The following ITGAV variants were observed in gnomAD, a reference collection of about 807,000 sequenced individuals.
ITGAV encodes the protein integrin alpha-V.
In ITGAV, 76 loss-of-function variants were observed where a neutral mutation model predicts 143.8. The ratio of observed to expected loss-of-function variants is 0.53; its 90% confidence interval spans 0.44 to 0.64. The LOEUF is 0.64. ITGAV is among the 30% of genes least tolerant of loss of function. The probability of loss-of-function intolerance (pLI) is 0.00; values close to 1 mark genes in which losing one functional copy is unlikely to be tolerated. For missense variants in ITGAV, 1,193 were observed against 1,274.7 expected (o/e 0.94, Z 0.98); for synonymous variants, 453 against 446.7 (o/e 1.01, Z -0.18).
chr2:186,627,792 A>G (rs1687713554), intron 4 of ITGAV, among the ~76,000 whole-genome samples: 1 of 152,042 alleles, frequency 6.6e-6, no homozygotes, highest in Non-Finnish European at 1.5e-5. Context: ...AGTTTGCTGA[A>G]CCCTAATCTA....
intron 2 of ITGAV, 53 bp downstream of exon 2, chr2:186,602,204 T>G (rs1686929181): frequency 6.6e-7 from 1 of 1,517,032 alleles, no homozygotes; most frequent in Non-Finnish European, 9.0e-7. Context: ...ATTTTTTTTT[T>G]GCAATTGGTT....
intron 26 of ITGAV, among the ~76,000 whole-genome samples, chr2:186,671,339 T>G (rs1481267024): frequency 6.6e-6 from 1 of 152,012 alleles, no homozygotes; most frequent in Non-Finnish European, 1.5e-5. Flanking sequence ...TCCTTACTAT[T>G]CTCTTTCTCA....
In ITGAV at chr2:186,679,841, CAA is replaced by C. The variant is rs200140082; in HGVS notation, c.*2552_*2553del. 3.1e-4 allele frequency: 47 copies of C among 152,040 alleles called. No individual in the cohort carries two copies. The East Asian group carries it at 8.5e-3, about 27-fold the overall frequency. 9.4% of individuals were successfully genotyped at this position (152,040 alleles called of 1,614,324 possible). On this transcript the variant is annotated 3_prime_UTR_variant, in exon 30 of 30. Transcript: ENST00000261023. ...GAATCTGAAAGGTAAAACAATTAGT[CAA>C]AATATTATTGCCATCATTCTACCTG...
chr2:186,671,006 T>A (rs1243254639), intron 26 of ITGAV, among the ~76,000 whole-genome samples: 8 of 152,194 alleles, frequency 5.3e-5, no homozygotes, highest in Non-Finnish European at 8.8e-5. Flanking sequence ...CGTCTTGTAT[T>A]TCAGCAAATT....
Position 186,659,024 on chromosome 2 carries a change from G to A in ITGAV, c.1720-14G>A, listed in dbSNP as rs200439639. ...GTTGACGTTATCATTAATTCAAAGC[G>A]TTTCCATTTCTAGGATGAATCTGAA... On this transcript the variant is annotated splice_polypyrimidine_tract_variant and intron_variant, in intron 17 of 29. Transcript: ENST00000261023. The A allele has an allele frequency of 1.2e-4, 194 of 1,597,440 alleles. No individual in the cohort carries two copies. The highest frequency in any genetic ancestry group is 1.5e-4 in the Non-Finnish European group (180 of 1,169,750).
chr2:186,666,331 T>C (rs1688894646), intron 21 of ITGAV, among the ~76,000 whole-genome samples: 1 of 152,216 alleles, frequency 6.6e-6, no homozygotes. Flanking sequence ...CATCCATTTC[T>C]TCTTTCCTGG....
At chr2:186,623,429 C>G (rs565859535) in intron 3 of ITGAV, among the ~76,000 whole-genome samples, 1 of 152,096 alleles carries the variant, frequency 6.6e-6, no homozygotes, top group Admixed American at 6.5e-5. Context: ...ATCTTACTGG[C>G]TGCTCTTTTG....
At chr2:186,615,974 T>A (rs1209560882) in intron 2 of ITGAV, among the ~76,000 whole-genome samples, 3 of 152,170 alleles carry the variant, frequency 2.0e-5, no homozygotes, top group Non-Finnish European at 4.4e-5. Context: ...GTTAATTTTC[T>A]GGTACAGTTT....
At chr2:186,638,661 TG>T (rs1291605693) in intron 10 of ITGAV, among the ~76,000 whole-genome samples, 196 bp downstream of exon 10, 10 of 151,522 alleles carry the variant, frequency 6.6e-5, no homozygotes, top group African/African-American at 2.4e-4. Flanking sequence ...TGTGTGTGTG[TG>T]TGTGTGTGTA....
intron 21 of ITGAV, among the ~76,000 whole-genome samples, chr2:186,665,875 T>C (rs1688883797): frequency 6.6e-6 from 1 of 152,318 alleles, no homozygotes; most frequent in African/African-American, 2.4e-5. Flanking sequence ...ATTTCTTTAG[T>C]ATGTTTTCTA....
At chr2:186,664,726 C>T (rs1409922882) in intron 20 of ITGAV, 85 bp downstream of exon 20, 1 of 1,516,628 alleles carries the variant, frequency 6.6e-7, no homozygotes, top group East Asian at 2.3e-5. Context: ...TAGTGAAGCA[C>T]AAGCTTAGCT....
chr2:186,664,429 G>T, intron 19 of ITGAV, 65 bp from the exon 20 acceptor site: 1 of 1,477,216 alleles, frequency 6.8e-7, no homozygotes, highest in South Asian at 1.2e-5. Context: ...TTCTTTCTTT[G>T]AACAGTCATA....
At chr2:186,612,434 C>G (rs1418486040) in intron 2 of ITGAV, among the ~76,000 whole-genome samples, 1 of 151,722 alleles carries the variant, frequency 6.6e-6, no homozygotes, top group African/African-American at 2.4e-5. Flanking sequence ...ATGGATGTCA[C>G]CTACCACTAA....
intron 1 of ITGAV, chr2:186,600,308 C>G (rs1227800856): frequency 3.9e-6 from 6 of 1,538,568 alleles, no homozygotes; most frequent in South Asian, 1.2e-5. Context: ...TCCCCACCCC[C>G]CACTCCCCTC....
chr2:186,649,006 ATT>A (rs1688347700), intron 13 of ITGAV, among the ~76,000 whole-genome samples: 1 of 55,002 alleles, frequency 1.8e-5, no homozygotes, highest in African/African-American at 6.0e-5. Context: ...ATATATACAC[ATT>A]TGTGTGTATA....
chr2:186,590,364 T>G lies in ITGAV; in HGVS notation c.26T>G (p.Leu9Arg), dbSNP rs1246245359. The G allele has an allele frequency of 2.5e-6, 4 of 1,588,544 alleles. No individual in the cohort carries two copies. Among genetic ancestry groups the G allele is most frequent in the Non-Finnish European group, 3.4e-6 (4 of 1,169,618 alleles). The change falls in exon 1 of 30, where the codon CTG becomes CGG. Residue 9 changes from leucine (L) to arginine (R), a missense_variant. Leu to Arg is a moderately radical substitution (Grantham distance 102). Coordinates refer to ENST00000261023, the MANE Select transcript of ITGAV (RefSeq NM_002210.5). Reference sequence around the variant, plus strand: ...ATGGCTTTTCCGCCGCGGCGACGGCTGCGCCTCGGTCCCCGCGGCCTCCCG... The same window carrying G: ...ATGGCTTTTCCGCCGCGGCGACGGCGGCGCCTCGGTCCCCGCGGCCTCCCG... MAFPPRRR[L>R]RLGPRGLPLL...
chr2:186,665,263 A>G, intron 21 of ITGAV, 45 bp downstream of exon 21: 1 of 1,218,924 alleles, frequency 8.2e-7, no homozygotes, highest in Non-Finnish European at 1.2e-6. Flanking sequence ...GGCAAATAGA[A>G]AAGCATATTG....
intron 8 of ITGAV, 122 bp downstream of exon 8, chr2:186,637,231 C>T: frequency 1.3e-6 from 1 of 783,952 alleles, no homozygotes; most frequent in African/African-American, 1.7e-5. Flanking sequence ...CCTGTAATCT[C>T]AGCACTTTGG....
At chr2:186,633,893 T>C (rs925814025) in intron 6 of ITGAV, among the ~76,000 whole-genome samples, 1 of 152,162 alleles carries the variant, frequency 6.6e-6, no homozygotes, top group East Asian at 1.9e-4. Context: ...CTGGGCATGG[T>C]GGCGTGGGCC....
Sources: gnomAD v4.1 joint callset for allele counts (sites outside exome capture counted in the v4.1 genomes callset) on GRCh38, gnomAD v4.1.1 for gene constraint, MANE v1.5 for transcripts, NCBI Gene and HGNC (gene_info 2026-07-23, HGNC 2026-07-21) for gene names.